DOCK2: variants seen among roughly 807,000 people sequenced by gnomAD.
DOCK2 encodes dedicator of cytokinesis protein 2.
DOCK2 carries 87 observed loss-of-function variants against 248.9 expected under a neutral mutation model. That is an observed-to-expected ratio of 0.35 (90% CI 0.29 to 0.42). The LOEUF (loss-of-function observed/expected upper bound fraction) is 0.42. Ranked by LOEUF, DOCK2 falls within the 10% of genes least tolerant of loss-of-function variation. The probability of loss-of-function intolerance (pLI) is 1.00; values close to 1 mark genes in which losing one functional copy is unlikely to be tolerated. For synonymous variants in DOCK2, 805 were observed against 821.6 expected (o/e 0.98, Z 0.35); for missense variants, 1,747 against 2,300.2 (o/e 0.76, Z 4.92).
intron 27 of DOCK2, among the ~76,000 whole-genome samples, chr5:169,963,852 G>T (rs561384799): frequency 2.4e-4 from 37 of 152,212 alleles, no homozygotes; most frequent in Admixed American, 7.2e-4. Flanking sequence ...AACATAGACC[G>T]CTGGGCCTAC....
chr5:170,011,792 G>A (rs1755306447), intron 32 of DOCK2, among the ~76,000 whole-genome samples: 1 of 152,182 alleles, frequency 6.6e-6, no homozygotes. Flanking sequence ...TGAACAAAAT[G>A]CATTTTTGCC....
intron 25 of DOCK2, among the ~76,000 whole-genome samples, chr5:169,766,603 C>T (rs927131655): frequency 6.6e-6 from 1 of 152,168 alleles, no homozygotes; most frequent in African/African-American, 2.4e-5. Context: ...CATACATACC[C>T]AGTAATGGGA....
Position 169,803,112 on chromosome 5 carries a change from A to G in DOCK2, c.2609A>G (p.Glu870Gly), listed in dbSNP as rs2113132132. Residue 870 changes from glutamate (E) to glycine (G), a missense_variant, in exon 26 of 52, where the codon GAG becomes GGG. Glu to Gly is a moderately conservative substitution (Grantham distance 98, BLOSUM62 -2). Coordinates refer to ENST00000520908, the MANE Select transcript of DOCK2 (RefSeq NM_004946.3). ...VITKELKELL[E>G]QKDDMQHQVL... ...ACCAAAGAGCTGAAGGAGCTGCTGG[A>G]GCAGAAGGATGACATGCAACACCAG... The G allele has an allele frequency of 1.2e-6, 2 of 1,614,170 alleles. No homozygotes were observed. The highest frequency in any genetic ancestry group is 1.7e-6 in the Non-Finnish European group (2 of 1,180,004).
chr5:169,870,109 T>C (rs1251888680), intron 27 of DOCK2, among the ~76,000 whole-genome samples: 1 of 152,200 alleles, frequency 6.6e-6, no homozygotes, highest in Admixed American at 6.5e-5. Context: ...GGTTTAGGGA[T>C]GCTCAGTTAA....
intron 22 of DOCK2, among the ~76,000 whole-genome samples, chr5:169,746,188 G>A (rs537316024): frequency 2.0e-5 from 3 of 152,192 alleles, no homozygotes; most frequent in South Asian, 4.2e-4. Context: ...TCAGGGGGAG[G>A]GTGGGGAGAG....
intron 7 of DOCK2, among the ~76,000 whole-genome samples, 156 bp from the exon 8 acceptor site, chr5:169,684,040 G>A (rs1329920817): frequency 1.3e-5 from 2 of 152,216 alleles, no homozygotes; most frequent in South Asian, 2.1e-4. Context: ...GAGTCAAAGC[G>A]AATTGATTCA....
chr5:169,948,081 G>A (rs1240730235), intron 27 of DOCK2, among the ~76,000 whole-genome samples: 5 of 152,162 alleles, frequency 3.3e-5, no homozygotes, highest in South Asian at 4.2e-4. Context: ...ACCGAGAGAA[G>A]AGCCAGGCCA....
At chr5:169,965,403 C>T (rs1475507244) in intron 27 of DOCK2, among the ~76,000 whole-genome samples, 1 of 152,150 alleles carries the variant, frequency 6.6e-6, no homozygotes, top group African/African-American at 2.4e-5. Context: ...TTATTGCTTG[C>T]AAAACATTAT....
chr5:169,932,842 TATC>T (rs1775818390), intron 27 of DOCK2, among the ~76,000 whole-genome samples: 1 of 151,714 alleles, frequency 6.6e-6, no homozygotes, highest in Admixed American at 6.6e-5. Flanking sequence ...AGAGATGTGA[TATC>T]ATAATTTCCC....
At chr5:170,010,429 C>T (rs755596665) in intron 32 of DOCK2, among the ~76,000 whole-genome samples, 24 of 152,130 alleles carry the variant, frequency 1.6e-4, no homozygotes, top group Non-Finnish European at 2.9e-4. Flanking sequence ...CACAGGCCCA[C>T]ACGACAGCCG....
intron 40 of DOCK2, among the ~76,000 whole-genome samples, 192 bp from the exon 41 acceptor site, chr5:170,050,064 C>G (rs750903470): frequency 1.2e-4 from 19 of 152,126 alleles, no homozygotes; most frequent in Non-Finnish European, 2.6e-4. Context: ...AGACCCAGAC[C>G]CTTTAAAGTA....
At chr5:169,848,546 C>T (rs1252384988) in intron 27 of DOCK2, among the ~76,000 whole-genome samples, 2 of 152,220 alleles carry the variant, frequency 1.3e-5, no homozygotes, top group Admixed American at 6.5e-5. Context: ...CCTGCCACCC[C>T]AGTGATGGGG....
chr5:169,951,222 G>A (rs769531753), intron 27 of DOCK2, among the ~76,000 whole-genome samples: 3 of 152,228 alleles, frequency 2.0e-5, no homozygotes, highest in Non-Finnish European at 2.9e-5. Context: ...TCAAATGTGG[G>A]AAGACTTTGG....
In DOCK2 at chr5:169,749,231, T is replaced by C. The variant is rs777084822; in HGVS notation, c.2376+1727T>C. ...AATCCCTGAGGCTAAATTTGGCCCT[T>C]AGAGCAAATTGAAAAAGAGATGAAG... On this transcript the variant is annotated intron_variant, in intron 23 of 51. Transcript: ENST00000520908. 3.5e-4 allele frequency among the ~76,000 whole-genome samples: 54 copies of C among 152,244 alleles called. 1 individual carries two copies. The highest frequency in any genetic ancestry group is 6.0e-4 in the Non-Finnish European group (41 of 68,042).
Position 169,985,899 on chromosome 5 carries a change from G to A in DOCK2, c.2970G>A (p.Met990Ile). 1 of 1,610,694 alleles carries A rather than the reference G, an allele frequency of 6.2e-7. No individual in the cohort carries two copies. Among genetic ancestry groups the A allele is most frequent in the South Asian group, 1.1e-5 (1 of 90,526 alleles). Residue 990 changes from methionine to isoleucine, a missense_variant, in exon 29 of 52, where the codon ATG becomes ATA. By Grantham distance (10) the Met-to-Ile change is conservative (BLOSUM62 1). Around this residue, in one of 4 missense-constraint regions of DOCK2, gnomAD observed 858 missense variants for 1,183.5 expected, o/e 0.72. Coordinates refer to ENST00000520908, the MANE Select transcript of DOCK2 (RefSeq NM_004946.3). ...AGAACGTGTACCCTGGAGACTGGATGGCCATGAGCATGGTTCAAAACAGGT... is the reference window on the plus strand; with the variant it reads ...AGAACGTGTACCCTGGAGACTGGATAGCCATGAGCATGGTTCAAAACAGGT... ...IGKNVYPGDW[M>I]AMSMVQNRVF...
chr5:169,643,973 C>T (rs1581368124), intron 1 of DOCK2, among the ~76,000 whole-genome samples: 2 of 152,224 alleles, frequency 1.3e-5, no homozygotes, highest in African/African-American at 4.8e-5. Flanking sequence ...TGCTGGCTTC[C>T]CTGGCGGTGG....
chr5:170,030,703 T>C (rs1448236661), intron 34 of DOCK2, among the ~76,000 whole-genome samples: 1 of 152,216 alleles, frequency 6.6e-6, no homozygotes, highest in Non-Finnish European at 1.5e-5. Context: ...GACAGTCAAT[T>C]TGTATTACTT....
intron 12 of DOCK2, among the ~76,000 whole-genome samples, chr5:169,699,775 CT>C (rs568824911): frequency 5.5e-4 from 84 of 152,326 alleles, no homozygotes; most frequent in African/African-American, 1.9e-3. Context: ...GTCATCCTCA[CT>C]TTGGGCTTAG....
At chr5:169,857,271 G>C (rs572183764) in intron 27 of DOCK2, among the ~76,000 whole-genome samples, 1 of 152,212 alleles carries the variant, frequency 6.6e-6, no homozygotes, top group Non-Finnish European at 1.5e-5. Flanking sequence ...TGGTAAGGCA[G>C]TATCTGGTAA....
Sources: allele counts gnomAD v4.1 joint callset (sites outside exome capture counted in the v4.1 genomes callset), GRCh38; gene constraint gnomAD v4.1.1; regional missense constraint gnomAD v4.1.1; transcripts MANE v1.5; gene names NCBI Gene and HGNC (gene_info 2026-07-23, HGNC 2026-07-21).